The following HDAC9 variants were observed in gnomAD, a reference collection of about 807,000 sequenced individuals.
HDAC9 encodes histone deacetylase 9.
Under a neutral mutation model 139.4 loss-of-function variants are expected in HDAC9, and 41 were observed. The ratio of observed to expected loss-of-function variants is 0.29; its 90% CI spans 0.23 to 0.38. The LOEUF is 0.38. Among genes scored for constraint, HDAC9 ranks in the 10% least tolerant of loss-of-function variants. The pLI, the probability that HDAC9 is intolerant of heterozygous loss-of-function variation, is 1.00. For missense variants in HDAC9, 1,147 were observed against 1,297.0 expected, an observed-to-expected ratio of 0.88 and a Z score of 1.78; for synonymous variants, 517 against 476.2, an observed-to-expected ratio of 1.09 and a Z score of -1.12.
At chr7:18,963,169 A>G (rs1474384595) in intron 24 of HDAC9, among the ~76,000 whole-genome samples, 1 of 152,222 alleles carries the variant, frequency 6.6e-6, no homozygotes, top group Non-Finnish European at 1.5e-5. Context: ...GGGAAAAAAC[A>G]TAAGCTGAAA....
intron 21 of HDAC9, among the ~76,000 whole-genome samples, chr7:18,859,811 C>CAT (rs56249427): frequency 0.061 from 2,700 of 44,492 alleles, 104 homozygotes; most frequent in Non-Finnish European, 0.08. Context: ...CTAACGCTCT[C>CAT]ATATATATAT....
chr7:18,592,782 A>G (rs2128833400), intron 5 of HDAC9, among the ~76,000 whole-genome samples: 1 of 152,280 alleles, frequency 6.6e-6, no homozygotes, highest in Admixed American at 6.5e-5. Flanking sequence ...AAACAATTTC[A>G]AATATTCAAT....
intron 2 of HDAC9, among the ~76,000 whole-genome samples, chr7:18,183,245 G>A (rs1172102338): frequency 4.6e-5 from 7 of 152,196 alleles, no homozygotes; most frequent in East Asian, 3.9e-4. Context: ...TTCTGACCTC[G>A]TGATCCGCCC....
chr7:18,922,657 A>G (rs1463489027), intron 22 of HDAC9, among the ~76,000 whole-genome samples: 3 of 152,126 alleles, frequency 2.0e-5, no homozygotes, highest in Non-Finnish European at 4.4e-5. Flanking sequence ...TCTGACACTT[A>G]TATTTGACCC....
At chr7:18,408,056 A>G (rs1788179783) in intron 1 of HDAC9, among the ~76,000 whole-genome samples, 1 of 152,154 alleles carries the variant, frequency 6.6e-6, no homozygotes, top group South Asian at 2.1e-4. Flanking sequence ...GGATTAAATG[A>G]GATGATGTAT....
chr7:18,147,856 G>T (rs565849371), intron 1 of HDAC9, among the ~76,000 whole-genome samples: 10 of 151,634 alleles, frequency 6.6e-5, no homozygotes, highest in Non-Finnish European at 1.2e-4. Context: ...AATCATTTTT[G>T]ATTTTATTAT....
At chr7:18,106,924 C>G (rs1190115005) in intron 1 of HDAC9, among the ~76,000 whole-genome samples, 4 of 152,308 alleles carry the variant, frequency 2.6e-5, no homozygotes, top group African/African-American at 9.6e-5. Flanking sequence ...TCAGGGCAGG[C>G]AGGAGTACCC....
chr7:18,135,259 T>C (rs35710950), intron 1 of HDAC9, among the ~76,000 whole-genome samples: 18,163 of 151,030 alleles, frequency 0.12, 1,380 homozygotes, highest in Non-Finnish European at 0.16. Flanking sequence ...TTCTTTCTTT[T>C]TTTTTTTTTT....
At chr7:18,441,077 A>G (rs1225676586) in intron 1 of HDAC9, among the ~76,000 whole-genome samples, 1 of 152,218 alleles carries the variant, frequency 6.6e-6, no homozygotes, top group Non-Finnish European at 1.5e-5. Flanking sequence ...TCCTTCATCT[A>G]TAAAATGGAT....
chr7:18,268,981 A>T (rs1444215784), intron 2 of HDAC9, among the ~76,000 whole-genome samples: 1 of 152,224 alleles, frequency 6.6e-6, no homozygotes, highest in Non-Finnish European at 1.5e-5. Context: ...ATCTCATTTT[A>T]TACAGCATTA....
chr7:18,387,948 A>AG (rs949239186), intron 1 of HDAC9, among the ~76,000 whole-genome samples: 1 of 151,932 alleles, frequency 6.6e-6, no homozygotes, highest in African/African-American at 2.4e-5. Context: ...GGAGAGAAAA[A>AG]AAAAAGAAAA....
intron 1 of HDAC9, among the ~76,000 whole-genome samples, chr7:18,473,192 C>G (rs1272201706): frequency 6.6e-6 from 1 of 152,160 alleles, no homozygotes; most frequent in Non-Finnish European, 1.5e-5. Flanking sequence ...TTTGCAGCAA[C>G]TTTTATACCC....
chr7:18,266,573 C>T (rs1796016940), intron 2 of HDAC9, among the ~76,000 whole-genome samples: 1 of 152,012 alleles, frequency 6.6e-6, no homozygotes, highest in African/African-American at 2.4e-5. Flanking sequence ...GATGCATGCC[C>T]AACAGTTGAC....
rs549205717 is a variant in HDAC9 at position 18,150,818 on chromosome 7, T to A, written c.-96-11411T>A. Among the ~76,000 whole-genome samples the A allele has an allele frequency of 1.8e-4, 28 of 152,348 alleles. 1 individual carries two copies. The South Asian group carries it at 5.6e-3, about 30-fold the overall frequency. On this transcript the variant is annotated intron_variant, in intron 1 of 12. Coordinates refer to the HDAC9 transcript ENST00000417496. ...ATCTTTTATGCCCAAAATAAGTGTGTCAAGATTTTTTCACTATTTTTTTCT... is the reference window on the plus strand; with the variant it reads ...ATCTTTTATGCCCAAAATAAGTGTGACAAGATTTTTTCACTATTTTTTTCT...
rs530380448 is a variant in HDAC9, at chr7:18,722,774, T to C, written c.1732-4806T>C. Among the ~76,000 whole-genome samples the C allele has an allele frequency of 4.6e-5, 7 of 152,292 alleles. No homozygotes were observed. In the South Asian group the frequency reaches 1.5e-3, roughly 32 times the overall value. ...ATATTTCATTTGTAAAAGTGTATAA[T>C]TGCAATCAACTCTTTGAATAAACTT... On this transcript the variant is annotated intron_variant, in intron 12 of 25. Coordinates refer to ENST00000686413, the MANE Select transcript of HDAC9 (RefSeq NM_178425.4).
chr7:18,606,114 T>C (rs1013896505), intron 6 of HDAC9, among the ~76,000 whole-genome samples: 2 of 152,226 alleles, frequency 1.3e-5, no homozygotes, highest in African/African-American at 4.8e-5. Context: ...CACTGTAAGC[T>C]GAACTCAGCT....
intron 12 of HDAC9, among the ~76,000 whole-genome samples, chr7:18,673,207 A>G (rs1377882982): frequency 6.6e-6 from 1 of 152,016 alleles, no homozygotes; most frequent in Non-Finnish European, 1.5e-5. Flanking sequence ...TGAGCCCACG[A>G]GTTTGAGGCT....
intron 1 of HDAC9, among the ~76,000 whole-genome samples, chr7:18,346,819 TC>T (rs949296390): frequency 6.6e-6 from 1 of 152,118 alleles, no homozygotes; most frequent in African/African-American, 2.4e-5. Flanking sequence ...GGAGAAAATT[TC>T]CCATTGTTTG....
At chr7:18,454,277 G>A (rs879431005) in intron 1 of HDAC9, among the ~76,000 whole-genome samples, 1 of 151,964 alleles carries the variant, frequency 6.6e-6, no homozygotes, top group Non-Finnish European at 1.5e-5. Flanking sequence ...TATAATTTTA[G>A]GTAGGTCACT....
Sources: gnomAD v4.1 joint callset for allele counts (sites outside exome capture counted in the v4.1 genomes callset) on GRCh38, gnomAD v4.1.1 for gene constraint, MANE v1.5 for transcripts, NCBI Gene and HGNC (gene_info 2026-07-23, HGNC 2026-07-21) for gene names.